The following PITPNC1 variants were observed in gnomAD, a reference collection of about 807,000 sequenced individuals.
PITPNC1 encodes the protein cytoplasmic phosphatidylinositol transfer protein 1.
PITPNC1 carries 18 observed loss-of-function variants against 44.7 expected under a neutral mutation model. That is an observed-to-expected ratio of 0.40 (90% CI 0.28 to 0.60). The LOEUF is 0.60. PITPNC1 is among the 20% of genes least tolerant of loss of function. The probability of loss-of-function intolerance (pLI) is 0.39; values close to 1 mark genes in which losing one functional copy is unlikely to be tolerated. For missense variants in PITPNC1, 290 were observed against 418.4 expected (o/e 0.69, Z 2.68); for synonymous variants, 141 against 149.6 (o/e 0.94, Z 0.42).
chr17:67,471,065 C>T (rs1296546490), intron 1 of PITPNC1, among the ~76,000 whole-genome samples: 2 of 123,180 alleles, frequency 1.6e-5, no homozygotes, highest in Non-Finnish European at 3.3e-5. Flanking sequence ...ACAAACACTG[C>T]GGAAGGCCGC....
chr17:67,491,517 G>T (rs1366749696), intron 1 of PITPNC1, among the ~76,000 whole-genome samples: 1 of 152,158 alleles, frequency 6.6e-6, no homozygotes, highest in Non-Finnish European at 1.5e-5. Flanking sequence ...CAGAGCACAC[G>T]CACGCTGATG....
intron 1 of PITPNC1, among the ~76,000 whole-genome samples, chr17:67,420,884 TATGTGATGGAAGC>T (rs2143865449): frequency 6.6e-6 from 1 of 152,310 alleles, no homozygotes; most frequent in African/African-American, 2.4e-5. Context: ...ATACTAACTA[TATGTGATGGAAGC>T]AAAGTCAGGA....
intron 1 of PITPNC1, among the ~76,000 whole-genome samples, chr17:67,527,217 A>T (rs1191052546): frequency 9.8e-5 from 3 of 30,472 alleles, no homozygotes; most frequent in Non-Finnish European, 2.5e-4. Flanking sequence ...CACGAGGCCT[A>T]GATTTTTAAA....
intron 5 of PITPNC1, among the ~76,000 whole-genome samples, chr17:67,606,217 T>A (rs1212681588): frequency 2.0e-5 from 3 of 152,180 alleles, no homozygotes; most frequent in Non-Finnish European, 2.9e-5. Flanking sequence ...ATGTCTTACA[T>A]AAGTCATGAA....
intron 1 of PITPNC1, among the ~76,000 whole-genome samples, chr17:67,436,137 T>C (rs1567988913): frequency 6.6e-6 from 1 of 150,392 alleles, no homozygotes; most frequent in Non-Finnish European, 1.5e-5. Context: ...GGACTACAGA[T>C]GTGTGCCACC....
intron 1 of PITPNC1, among the ~76,000 whole-genome samples, chr17:67,420,919 G>T (rs2038664351): frequency 6.6e-6 from 1 of 152,128 alleles, no homozygotes; most frequent in Non-Finnish European, 1.5e-5. Flanking sequence ...TGTCTAATGT[G>T]GGGGCAGAAT....
chr17:67,521,439 A>G (rs1378351438), intron 1 of PITPNC1, among the ~76,000 whole-genome samples: 1 of 152,196 alleles, frequency 6.6e-6, no homozygotes, highest in Admixed American at 6.5e-5. Context: ...TAAATATGTG[A>G]TGATGCACTG....
intron 1 of PITPNC1, among the ~76,000 whole-genome samples, chr17:67,442,770 G>T (rs1469964394): frequency 6.6e-6 from 1 of 151,862 alleles, no homozygotes; most frequent in Non-Finnish European, 1.5e-5. Context: ...CAGGAGAATT[G>T]CTTGAACCAG....
At chr17:67,677,606 C>T (rs1297823076) in intron 8 of PITPNC1, among the ~76,000 whole-genome samples, 4 of 150,610 alleles carry the variant, frequency 2.7e-5, no homozygotes, top group African/African-American at 4.9e-5. Flanking sequence ...CTCGCACTGT[C>T]GTACGGACTG....
At chr17:67,473,599 G>C (rs926247959) in intron 1 of PITPNC1, among the ~76,000 whole-genome samples, 1 of 151,988 alleles carries the variant, frequency 6.6e-6, no homozygotes, top group African/African-American at 2.4e-5. Flanking sequence ...CACCGCCCCC[G>C]GCCCTGGTGT....
At chr17:67,478,604 A>G (rs1396773193) in intron 1 of PITPNC1, among the ~76,000 whole-genome samples, 4 of 151,930 alleles carry the variant, frequency 2.6e-5, no homozygotes, top group African/African-American at 4.8e-5. Context: ...TCCTCCCCCA[A>G]AGAAAAACAA....
At chr17:67,476,885 G>C (rs2039637759) in intron 1 of PITPNC1, among the ~76,000 whole-genome samples, 1 of 152,138 alleles carries the variant, frequency 6.6e-6, no homozygotes, top group African/African-American at 2.4e-5. Flanking sequence ...TGTGGTCCAT[G>C]AACCAGTCGC....
At chr17:67,385,766 CG>C (rs2038038205) in intron 1 of PITPNC1, among the ~76,000 whole-genome samples, 1 of 151,386 alleles carries the variant, frequency 6.6e-6, no homozygotes, top group Admixed American at 6.6e-5. Flanking sequence ...TTTGTCATAA[CG>C]GGCACAGGGA....
At chr17:67,477,681 C>T (rs1223069158) in intron 1 of PITPNC1, among the ~76,000 whole-genome samples, 1 of 152,136 alleles carries the variant, frequency 6.6e-6, no homozygotes, top group African/African-American at 2.4e-5. Context: ...TTACAGATTA[C>T]AGGCATAAGC....
intron 6 of PITPNC1, among the ~76,000 whole-genome samples, chr17:67,636,302 AAG>A (rs2042032143): frequency 6.7e-6 from 1 of 148,922 alleles, no homozygotes. Context: ...AAAAAAAAAA[AAG>A]CATTATCTGG....
At chr17:67,645,356 A>G (rs1002420122) in intron 6 of PITPNC1, among the ~76,000 whole-genome samples, 3 of 151,798 alleles carry the variant, frequency 2.0e-5, no homozygotes, top group Non-Finnish European at 4.4e-5. Flanking sequence ...AAAAAAAAAA[A>G]AAAAAAGAGA....
At chr17:67,499,750 A>G (rs890300680) in intron 1 of PITPNC1, among the ~76,000 whole-genome samples, 50 of 152,370 alleles carry the variant, frequency 3.3e-4, no homozygotes, top group African/African-American at 1.2e-3. Flanking sequence ...ACAGTTGCCT[A>G]CAGCATTCAG....
At chr17:67,472,790 CAG>C (rs1568004273) in intron 1 of PITPNC1, among the ~76,000 whole-genome samples, 1 of 152,102 alleles carries the variant, frequency 6.6e-6, no homozygotes, top group Non-Finnish European at 1.5e-5. Flanking sequence ...GTGAGTCACT[CAG>C]GGGAGGGAGA....
chr17:67,668,082 T>C (rs1271891646), intron 6 of PITPNC1, among the ~76,000 whole-genome samples: 1 of 152,194 alleles, frequency 6.6e-6, no homozygotes, highest in East Asian at 1.9e-4. Context: ...TGTGTACACG[T>C]TACATCCAGG....
Sources: allele counts gnomAD v4.1 joint callset (sites outside exome capture counted in the v4.1 genomes callset), GRCh38; gene constraint gnomAD v4.1.1; transcripts MANE v1.5; gene names NCBI Gene and HGNC (gene_info 2026-07-23, HGNC 2026-07-21).